Variants in ZNF222 observed in about 807,000 individuals in gnomAD.
ZNF222 encodes the protein zinc finger protein 222.
Under a neutral mutation model 11.6 loss-of-function variants are expected in ZNF222, and 8 were observed. That is an observed-to-expected ratio of 0.69 (90% CI 0.41 to 1.25). The LOEUF is 1.25. Ranked by LOEUF, ZNF222 falls within the 50% of genes most tolerant of loss-of-function variation. ZNF222 has a pLI of 0.01. For missense variants in ZNF222, 483 were observed against 576.1 expected (o/e 0.84, Z 1.65); for synonymous variants, 171 against 195.6 (o/e 0.87, Z 1.05).
In ZNF222 at chr19:44,027,487, T is replaced by C. The variant is rs1273180081; in HGVS notation, c.259T>C (p.Leu87=). 2.5e-6 allele frequency: 4 copies of C among 1,613,554 alleles called. No homozygotes were observed. In the African/African-American group the frequency reaches 4.0e-5, roughly 16 times the overall value. The change falls in exon 3 of 4, where the codon TTG becomes CTG. Residue 87 remains leucine, a synonymous_variant. Coordinates refer to ENST00000391960, the MANE Select transcript of ZNF222 (RefSeq NM_001129996.2). ...GACAACAAGCCAAAGAGAAGGGAAT[T>C]TGGGTAAGAACCAAGCAATTGTGTG... ...MGTTSQREGN[L]GGKIQTEMET... is the part of the protein sequence containing the mutation.
chr19:44,027,396 A>G lies in ZNF222; in HGVS notation c.170-2A>G. The G allele has an allele frequency of 6.2e-7, 1 of 1,614,022 alleles. No homozygotes were observed. The highest frequency in any genetic ancestry group is 8.5e-7 in the Non-Finnish European group (1 of 1,179,870). On this transcript the variant is annotated splice_acceptor_variant, in intron 2 of 3. Coordinates refer to ENST00000391960, the MANE Select transcript of ZNF222 (RefSeq NM_001129996.2). LOFTEE classifies it high-confidence loss of function. ...TAAGCATGTGACTTTGCCTGTTCAC[A>G]GGGCATCAACCATTCCATGGAGATA...
intron 3 of ZNF222, among the ~76,000 whole-genome samples, chr19:44,031,548 T>C (rs931832194): frequency 6.6e-6 from 1 of 150,774 alleles, no homozygotes; most frequent in African/African-American, 2.5e-5. Flanking sequence ...AATGGCCTGA[T>C]CTTGGCTCAC....
At chr19:44,027,565 G>A (rs1029931815) in intron 3 of ZNF222, 75 bp downstream of exon 3, 2 of 1,436,560 alleles carry the variant, frequency 1.4e-6, no homozygotes, top group Non-Finnish European at 9.7e-7. Context: ...CAGCATTTTG[G>A]GGTAAATGGC....
intron 1 of ZNF222, among the ~76,000 whole-genome samples, chr19:44,026,556 AT>A (rs200711054): frequency 0.029 from 2,940 of 101,830 alleles, 47 homozygotes; most frequent in Middle Eastern, 0.068. Context: ...ATATATATAT[AT>A]TTTTTTTTTT....
chr19:44,032,391 G>C lies in ZNF222; in HGVS notation c.837G>C (p.Met279Ile). 1 of 1,614,142 alleles carries C rather than the reference G, an allele frequency of 6.2e-7. No homozygotes were observed. The highest frequency in any genetic ancestry group is 1.1e-5 in the South Asian group (1 of 91,076). ...GTGAGAAATGTGGGAAGGCTTTCAT[G>C]CACAATTTCCAGCTTCAGAAACATC... Reference protein sequence around the residue: ...YNCEKCGKAFMHNFQLQKHHR... With the variant: ...YNCEKCGKAFIHNFQLQKHHR... Residue 279 changes from methionine to isoleucine, a missense_variant, in exon 4 of 4, where the codon ATG becomes ATC. By Grantham distance (10) the Met-to-Ile change is conservative (BLOSUM62 1). Coordinates refer to ENST00000391960, the MANE Select transcript of ZNF222 (RefSeq NM_001129996.2).
rs868416175 is a variant in ZNF222 at position 44,027,411 on chromosome 19, C to G, written c.183C>G (p.Phe61Leu). The G allele has an allele frequency of 6.2e-7, 1 of 1,614,098 alleles. No homozygotes were observed. The highest frequency in any genetic ancestry group is 1.7e-5 in the Admixed American group (1 of 60,018). Residue 61 changes from phenylalanine (F) to leucine (L), a missense_variant, in exon 3 of 4, where the codon TTC becomes TTG. Coordinates refer to ENST00000391960, the MANE Select transcript of ZNF222 (RefSeq NM_001129996.2). Reference protein sequence around the residue: ...RNLLSVGHQPFHGDTFHFLRE... With the variant: ...RNLLSVGHQPLHGDTFHFLRE... ...GCCTGTTCACAGGGCATCAACCATTCCATGGAGATACTTTCCACTTCCTAA... is the reference window on the plus strand; with the variant it reads ...GCCTGTTCACAGGGCATCAACCATTGCATGGAGATACTTTCCACTTCCTAA...
Position 44,032,058 on chromosome 19 carries a change from T to C in ZNF222, c.504T>C (p.Asp168=). The C allele has an allele frequency of 1.9e-6, 3 of 1,614,250 alleles. No homozygotes were observed. Among genetic ancestry groups the C allele is most frequent in the Non-Finnish European group, 8.5e-7 (1 of 1,180,040 alleles). The change falls in exon 4 of 4, where the codon GAT becomes GAC. Residue 168 remains aspartate, a synonymous_variant. Transcript: ENST00000391960. ...AAAATTGTAAACAGTTCTTCAGTGA[T>C]GTTTCCTTCTTTGATCTTCCTCAGC... ...QGENCKQFFS[D]VSFFDLPQQL...
Position 44,027,086 on chromosome 19 carries a change from C to T in ZNF222, c.106C>T (p.Pro36Ser), listed in dbSNP as rs781368028. Residue 36 changes from proline to serine, a missense_variant, in exon 2 of 4, where the codon CCT (proline) becomes TCT (serine). Coordinates refer to ENST00000391960, the MANE Select transcript of ZNF222 (RefSeq NM_001129996.2). ...TGAGGAGGAGCTGGGGCTGCTGGAC[C>T]CTGCCCAGAGGAAGCTGTACCGAGA... ...FTEEELGLLD[P>S]AQRKLYRDVM... 10 of 1,613,854 alleles carry T rather than the reference C, an allele frequency of 6.2e-6. No individual in the cohort carries two copies. In the East Asian group the frequency reaches 1.6e-4, roughly 25 times the overall value.
chr19:44,026,452 G>A (rs980917729), intron 1 of ZNF222, among the ~76,000 whole-genome samples: 2 of 151,726 alleles, frequency 1.3e-5, no homozygotes, highest in African/African-American at 4.8e-5. Context: ...AAGGCTCAGG[G>A]GCTTGGACTT....
Position 44,025,519 on chromosome 19 carries a change from T to A in ZNF222, c.42+41T>A, listed in dbSNP as rs542640791. ...GGCGGGGATTGCCGTTCCAGTCAGC[T>A]GAGCCTTCTGGCGTCGGGGGGCTCT... On this transcript the variant is annotated intron_variant, in intron 1 of 3. Transcript: ENST00000391960. This position sits in a 1 kb window ranked among gnomAD's most constrained non-coding sequence, Gnocchi z 4.6. The A allele has an allele frequency of 5.6e-4, 855 of 1,528,426 alleles. 1 individual carries two copies. Among genetic ancestry groups the A allele is most frequent in the Non-Finnish European group, 7.2e-4 (819 of 1,136,568 alleles). The allele number at this position is 1,528,426 out of a possible 1,614,324, so 94.7% of individuals were successfully genotyped here.
At position 44,031,822 on chromosome 19, in the gene ZNF222, A is replaced by G. The variant is rs11880330; in HGVS notation, c.268A>G (p.Lys90Glu). The G allele has an allele frequency of 0.012, 19,308 of 1,612,946 alleles. 2,004 individuals are homozygous for G. In the African/African-American group the frequency reaches 0.23, roughly 19 times the overall value. ...TTAATTCTGTGTCCTTATAGGAGGC[A>G]AGATCCAAACTGAGATGGAGACTGT... is the stretch of plus-strand genomic sequence containing the variant. ...TSQREGNLGG[K>E]IQTEMETVPE... Residue 90 changes from lysine (K) to glutamate (E), a missense_variant, in exon 4 of 4, where the codon AAG (lysine) becomes GAG (glutamate). By Grantham distance (56) the Lys-to-Glu change is moderately conservative. Transcript: ENST00000391960.
At chr19:44,029,523 G>A (rs1976455956) in intron 3 of ZNF222, among the ~76,000 whole-genome samples, 1 of 152,054 alleles carries the variant, frequency 6.6e-6, no homozygotes, top group South Asian at 2.1e-4. Flanking sequence ...AAGGAATATA[G>A]ATTTTACTGA....
At chr19:44,027,590 G>A (rs1401466815) in intron 3 of ZNF222, 100 bp downstream of exon 3, 2 of 1,134,136 alleles carry the variant, frequency 1.8e-6, no homozygotes, top group African/African-American at 1.6e-5. Flanking sequence ...CCTGTTTCCT[G>A]GATTATTACA....
At chr19:44,026,947 T>C in intron 1 of ZNF222, 76 bp from the exon 2 acceptor site, 1 of 1,594,478 alleles carries the variant, frequency 6.3e-7, no homozygotes, top group South Asian at 1.1e-5. Flanking sequence ...CACTTGTCCC[T>C]TGTGCCAGTG....
intron 3 of ZNF222, among the ~76,000 whole-genome samples, chr19:44,031,359 T>G (rs1976496990): frequency 6.6e-6 from 1 of 152,174 alleles, no homozygotes; most frequent in Non-Finnish European, 1.5e-5. Flanking sequence ...AACAGAAAAA[T>G]GAACGTTCAT....
At chr19:44,029,487 A>T (rs1976455122) in intron 3 of ZNF222, among the ~76,000 whole-genome samples, 1 of 152,086 alleles carries the variant, frequency 6.6e-6, no homozygotes, top group African/African-American at 2.4e-5. Flanking sequence ...CTGCATCTTT[A>T]TACAAATTTA....
At chr19:44,030,073 AG>A (rs1976469333) in intron 3 of ZNF222, among the ~76,000 whole-genome samples, 1 of 152,224 alleles carries the variant, frequency 6.6e-6, no homozygotes, top group Non-Finnish European at 1.5e-5. Flanking sequence ...GAGTATAAAA[AG>A]TTATAAAGCC....
chr19:44,027,272 A>T, intron 2 of ZNF222, 123 bp downstream of exon 2: 2 of 1,577,250 alleles, frequency 1.3e-6, no homozygotes, highest in Non-Finnish European at 1.7e-6. Context: ...CCTGGCTATT[A>T]GGTTGGTGCA....
chr19:44,032,259 C>T lies in ZNF222; in HGVS notation c.705C>T (p.His235=). The change falls in exon 4 of 4, where the codon CAC becomes CAT. Residue 235 remains histidine (H), a synonymous_variant. Transcript: ENST00000391960. ...GTCTGCAAACTCATCAAAGAGTCCA[C>T]ACTGGAGAGAAACCATTCAAATGTG... ...SSRLQTHQRV[H]TGEKPFKCEQ... 3 of 1,614,196 alleles carry T rather than the reference C, an allele frequency of 1.9e-6. No homozygotes were observed. Among genetic ancestry groups the T allele is most frequent in the Non-Finnish European group, 2.5e-6 (3 of 1,180,030 alleles).
Sources: gnomAD v4.1 joint callset for allele counts (sites outside exome capture counted in the v4.1 genomes callset) on GRCh38, gnomAD v4.1.1 for gene constraint, Gnocchi (gnomAD v3.1) non-coding constraint, MANE v1.5 for transcripts, NCBI Gene and HGNC (gene_info 2026-07-23, HGNC 2026-07-21) for gene names.